Variants in COX20 observed in about 807,000 individuals in gnomAD.
The protein encoded by COX20 is cytochrome c oxidase assembly factor COX20.
In COX20, 14 loss-of-function variants were observed where a neutral mutation model predicts 14.3. The ratio of observed to expected loss-of-function variants is 0.98; its 90% CI spans 0.65 to 1.53. The LOEUF is 1.53. Among genes scored for constraint, COX20 ranks in the 40% most tolerant of loss-of-function variants. The pLI, the probability that COX20 is intolerant of heterozygous loss-of-function variation, is 0.00. For synonymous variants in COX20, 56 were observed against 51.7 expected (o/e 1.08, Z -0.36); for missense variants, 149 against 142.1 (o/e 1.05, Z -0.25).
Position 244,835,714 on chromosome 1 carries a change from C to T in COX20, c.-1C>T, listed in dbSNP as rs1387147232. On this transcript the variant is annotated 5_prime_UTR_variant, in exon 1 of 4. Transcript: ENST00000411948. ...GCGGGTGGAGTCGCGGAGTAGTCCTCATGGCCGCCCCGCCGGAGCCCGGTG... is the reference window on the plus strand; with the variant it reads ...GCGGGTGGAGTCGCGGAGTAGTCCTTATGGCCGCCCCGCCGGAGCCCGGTG... 1 of 1,267,496 alleles carries T rather than the reference C, an allele frequency of 7.9e-7. No individual in the cohort carries two copies. The highest frequency in any genetic ancestry group is 1.0e-6 in the Non-Finnish European group (1 of 1,004,312). The allele number at this position is 1,267,496 out of a possible 1,614,324, so 78.5% of individuals were successfully genotyped here.
intron 3 of COX20, chr1:244,842,650 T>C (rs909848138): frequency 4.1e-6 from 1 of 245,694 alleles, no homozygotes; most frequent in Non-Finnish European, 7.8e-6. Context: ...ATGTACTATA[T>C]GGTTCCATTT....
chr1:244,843,299 T>A lies in COX20; in HGVS notation c.*123T>A. On this transcript the variant is annotated 3_prime_UTR_variant, in exon 4 of 4. Coordinates refer to ENST00000411948, the MANE Select transcript of COX20 (RefSeq NM_198076.6). ...AGTTGTAGTCATTTTTTTCCCACAC[T>A]TGTGTGGAATGAAAACTTGCCAGTT... 8.5e-7 allele frequency: 1 copy of A among 1,174,212 alleles called. No homozygotes were observed. The highest frequency in any genetic ancestry group is 1.2e-6 in the Non-Finnish European group (1 of 836,354). 72.7% of individuals were successfully genotyped at this position (1,174,212 alleles called of 1,614,324 possible).
At chr1:244,840,737 A>C (rs1359108126) in intron 1 of COX20, 1 of 152,242 alleles carries the variant, frequency 6.6e-6, no homozygotes, top group Non-Finnish European at 1.5e-5. Flanking sequence ...CAGAAATACA[A>C]TTGAGAATAT....
Position 244,835,759 on chromosome 1 carries a change from A to G in COX20, c.42+3A>G. The G allele has an allele frequency of 1.6e-6, 2 of 1,261,308 alleles. No individual in the cohort carries two copies. Among genetic ancestry groups the G allele is most frequent in the Non-Finnish European group, 2.0e-6 (2 of 1,000,888 alleles). 78.1% of individuals were successfully genotyped at this position (1,261,308 alleles called of 1,614,324 possible). A position where few individuals can be genotyped will look rare whatever the true frequency, so the allele number is the denominator to read the frequency against. On this transcript the variant is annotated splice_donor_region_variant and intron_variant, in intron 1 of 3. Coordinates refer to ENST00000411948, the MANE Select transcript of COX20 (RefSeq NM_198076.6). Reference sequence around the variant, plus strand: ...CCGGTGAGCCCGAGGAGAGGAAGGTAACCTGGGGGTCGGCGGGGCGCGCGC... The same window carrying G: ...CCGGTGAGCCCGAGGAGAGGAAGGTGACCTGGGGGTCGGCGGGGCGCGCGC...
At chr1:244,838,562 AATG>A (rs774737996) in intron 1 of COX20, among the ~76,000 whole-genome samples, 2 of 152,240 alleles carry the variant, frequency 1.3e-5, no homozygotes, top group African/African-American at 4.8e-5. Context: ...TTCAAAAACA[AATG>A]ATAATTTGTG....
chr1:244,843,137 C>T lies in COX20; in HGVS notation c.318C>T (p.Leu106=), dbSNP rs1053697. The change falls in exon 4 of 4, where the codon CTC becomes CTT. Residue 106 remains leucine, a synonymous_variant. Transcript: ENST00000411948. ...AGATATTATATGAAGGTACCCACCTCGATCCTGAAAGAAAACACAACGGCA... is the reference window on the plus strand; with the variant it reads ...AGATATTATATGAAGGTACCCACCTTGATCCTGAAAGAAAACACAACGGCA... ...KKKILYEGTH[L]DPERKHNGSS... 0.012 allele frequency: 19,062 copies of T among 1,595,212 alleles called. 1,929 individuals are homozygous for T. The African/African-American group carries it at 0.23, about 19-fold the overall frequency.
At chr1:244,835,789 G>A in intron 1 of COX20, 33 bp downstream of exon 1, 1 of 1,245,434 alleles carries the variant, frequency 8.0e-7, no homozygotes, top group Non-Finnish European at 1.0e-6. Flanking sequence ...GCGCGCCGCG[G>A]GTGGGCGGTG....
At chr1:244,841,258 G>C (rs1229960912) in intron 1 of COX20, 1 of 152,168 alleles carries the variant, frequency 6.6e-6, no homozygotes, top group Non-Finnish European at 1.5e-5. Context: ...AAAAGTTAGC[G>C]GCAGATCTGA....
intron 1 of COX20, among the ~76,000 whole-genome samples, chr1:244,838,443 T>G (rs1333811195): frequency 6.6e-6 from 1 of 152,170 alleles, no homozygotes; most frequent in Admixed American, 6.5e-5. Context: ...CCAAAGGAGT[T>G]AAGAGTGGCA....
chr1:244,835,450 C>T (rs74441001), upstream of COX20: 3,839 of 372,446 alleles, frequency 0.01, 127 homozygotes, highest in African/African-American at 0.074. Context: ...CCGAACCCAT[C>T]TCCTTCCGCT....
Position 244,843,159 on chromosome 1 carries a change from G to A in COX20, c.340G>A (p.Gly114Ser), listed in dbSNP as rs141476240. 5.3e-4 allele frequency: 842 copies of A among 1,587,388 alleles called. No individual in the cohort carries two copies. The highest frequency in any genetic ancestry group is 6.9e-4 in the Non-Finnish European group (811 of 1,171,952). The change falls in exon 4 of 4, where the codon GGC (glycine) becomes AGC (serine). Residue 114 changes from glycine to serine, a missense_variant. Physicochemically the swap from Gly to Ser is moderately conservative, Grantham distance 56. Transcript: ENST00000411948. ...THLDPERKHN[G>S]SSSN The stretch of plus-strand genomic sequence containing the variant: ...CCTCGATCCTGAAAGAAAACACAAC[G>A]GCAGCAGCAGCAATTGAACAATCTT...
intron 1 of COX20, chr1:244,836,593 G>C: frequency 7.8e-7 from 1 of 1,277,786 alleles, no homozygotes. Flanking sequence ...TATATCCTCA[G>C]GGCAGAACAG....
chr1:244,836,433 G>C, intron 1 of COX20: 1 of 1,503,646 alleles, frequency 6.7e-7, no homozygotes, highest in Non-Finnish European at 9.1e-7. Context: ...CTCCCTGGAA[G>C]GGCTCCTGTG....
rs536231469 is a variant in COX20 at position 244,841,917 on chromosome 1, A to T, written c.43-27A>T. On this transcript the variant is annotated intron_variant, in intron 1 of 3. Transcript: ENST00000411948. Reference sequence around the variant, plus strand: ...CCCAAAATGAAATACTTTCTTACTCAATCTAGGTTCTTTTTTTTCATTCTA... The same window carrying T: ...CCCAAAATGAAATACTTTCTTACTCTATCTAGGTTCTTTTTTTTCATTCTA... The T allele has an allele frequency of 2.2e-6, 3 of 1,369,514 alleles. No homozygotes were observed. In the East Asian group the frequency reaches 6.9e-5, roughly 31 times the overall value. The allele number at this position is 1,369,514 out of a possible 1,614,324, so 84.8% of individuals were successfully genotyped here.
intron 3 of COX20, 147 bp from the exon 4 acceptor site, chr1:244,842,894 A>C (rs1228750397): frequency 6.7e-6 from 4 of 596,914 alleles, no homozygotes; most frequent in Non-Finnish European, 1.1e-5. Flanking sequence ...AAAACTGCCC[A>C]AAAATAGCAC....
chr1:244,841,927 CT>C lies in COX20; in HGVS notation c.43-9del, dbSNP rs770522096. The C allele has an allele frequency of 2.4e-5, 35 of 1,460,204 alleles. No individual in the cohort carries two copies. The highest frequency in any genetic ancestry group is 1.2e-4 in the South Asian group (10 of 83,384). The allele number at this position is 1,460,204 out of a possible 1,614,324, so 90.5% of individuals were successfully genotyped here. A position where few individuals can be genotyped will look rare whatever the true frequency, so the allele number is the denominator to read the frequency against. On this transcript the variant is annotated splice_polypyrimidine_tract_variant and intron_variant, in intron 1 of 3. Transcript: ENST00000411948. ...AATACTTTCTTACTCAATCTAGGTT[CT>C]TTTTTTTCATTCTAGTCCCTTAAGC...
upstream of COX20, chr1:244,835,634 A>G (rs1679943787): frequency 6.4e-6 from 7 of 1,099,614 alleles, no homozygotes; most frequent in Admixed American, 3.0e-4. Flanking sequence ...TGGGGGCGGG[A>G]CGGGGAGGGG....
At chr1:244,835,819 G>A (rs1679958898) in intron 1 of COX20, 63 bp downstream of exon 1, 3 of 1,165,610 alleles carry the variant, frequency 2.6e-6, no homozygotes, top group Admixed American at 4.2e-5. Context: ...GTTCTCCGCG[G>A]AGCTCCTAGG....
intron 3 of COX20, 61 bp downstream of exon 3, chr1:244,842,319 C>T (rs1680241157): frequency 1.7e-6 from 2 of 1,159,620 alleles, no homozygotes; most frequent in Admixed American, 3.4e-5. Flanking sequence ...ATTCAAAAAG[C>T]ACATGCTCTT....
Sources: allele counts gnomAD v4.1 joint callset (sites outside exome capture counted in the v4.1 genomes callset), GRCh38; gene constraint gnomAD v4.1.1; transcripts MANE v1.5; gene names NCBI Gene and HGNC (gene_info 2026-07-23, HGNC 2026-07-21).